MCTP2: variants seen among roughly 807,000 people sequenced by gnomAD.
MCTP2 encodes multiple C2 and transmembrane domain containing 2.
A neutral mutation model predicts 111.6 loss-of-function variants in MCTP2; 132 were observed. The ratio of observed to expected loss-of-function variants is 1.18; its 90% CI spans 1.03 to 1.37. The LOEUF (loss-of-function observed/expected upper bound fraction) is 1.37. MCTP2 is among the 40% of genes most tolerant of loss of function. The probability of loss-of-function intolerance (pLI) is 0.00; values close to 1 mark genes in which losing one functional copy is unlikely to be tolerated. For missense variants in MCTP2, 1,183 were observed against 1,067.9 expected (o/e 1.11, Z -1.50); for synonymous variants, 395 against 387.7 (o/e 1.02, Z -0.22).
chr15:94,339,669 G>C (rs533359588), intron 5 of MCTP2, among the ~76,000 whole-genome samples: 1 of 152,268 alleles, frequency 6.6e-6, no homozygotes, highest in East Asian at 1.9e-4. Context: ...TCTACCAAAT[G>C]TGGAAGAATT....
chr15:94,329,678 T>C (rs1338909641), intron 4 of MCTP2, among the ~76,000 whole-genome samples: 3 of 151,938 alleles, frequency 2.0e-5, no homozygotes, highest in Non-Finnish European at 4.4e-5. Flanking sequence ...GGGCCCCACC[T>C]CCAACATTAG....
chr15:94,267,691 C>G (rs544299843), intron 1 of MCTP2, among the ~76,000 whole-genome samples: 1 of 152,068 alleles, frequency 6.6e-6, no homozygotes, highest in South Asian at 2.1e-4. Context: ...AGTTTACATT[C>G]TTATAATCAA....
intron 17 of MCTP2, among the ~76,000 whole-genome samples, chr15:94,408,167 T>A (rs963869640): frequency 6.6e-6 from 1 of 152,200 alleles, no homozygotes; most frequent in Admixed American, 6.5e-5. Flanking sequence ...GGCTATGACA[T>A]CCACCAGAAG....
chr15:94,341,226 G>T, intron 7 of MCTP2: 1 of 325,418 alleles, frequency 3.1e-6, no homozygotes, highest in Non-Finnish European at 5.8e-6. Flanking sequence ...TTTCCATTGG[G>T]AGTTCTTTTG....
At chr15:94,299,028 TCCCTCC>T (rs1239902583) in intron 2 of MCTP2, among the ~76,000 whole-genome samples, 46 of 90,254 alleles carry the variant, frequency 5.1e-4, no homozygotes, top group Non-Finnish European at 8.4e-4. Flanking sequence ...CCTCCCTCTC[TCCCTCC>T]CCCTCCCCCT....
At chr15:94,404,515 T>A (rs984887008) in intron 17 of MCTP2, among the ~76,000 whole-genome samples, 2 of 152,108 alleles carry the variant, frequency 1.3e-5, no homozygotes, top group Non-Finnish European at 2.9e-5. Flanking sequence ...TTGGCCAGGC[T>A]GGTCTTGAAC....
intron 8 of MCTP2, among the ~76,000 whole-genome samples, chr15:94,352,015 C>G (rs549545382): frequency 1.3e-5 from 2 of 152,278 alleles, no homozygotes; most frequent in East Asian, 3.9e-4. Context: ...GCAGCCATGC[C>G]AAGGAAAAGG....
intron 8 of MCTP2, among the ~76,000 whole-genome samples, chr15:94,353,664 G>A (rs1325361467): frequency 6.6e-6 from 1 of 152,138 alleles, no homozygotes; most frequent in Non-Finnish European, 1.5e-5. Flanking sequence ...GAATATATCT[G>A]TCGGAACTTT....
At chr15:94,463,961 T>C (rs2085367417) in intron 20 of MCTP2, among the ~76,000 whole-genome samples, 1 of 151,978 alleles carries the variant, frequency 6.6e-6, no homozygotes, top group South Asian at 2.1e-4. Context: ...TATATCTGGC[T>C]GGATTTTATT....
intron 14 of MCTP2, among the ~76,000 whole-genome samples, chr15:94,392,951 C>G (rs1456947104): frequency 6.6e-6 from 1 of 152,032 alleles, no homozygotes; most frequent in East Asian, 1.9e-4. Context: ...TAATGAGCTT[C>G]TATGTTTATG....
intron 1 of MCTP2, among the ~76,000 whole-genome samples, chr15:94,287,285 A>G (rs996979932): frequency 1.3e-5 from 2 of 151,486 alleles, no homozygotes; most frequent in Non-Finnish European, 2.9e-5. Context: ...TATGTTTGTA[A>G]TTCTTTATAC....
chr15:94,286,055 G>A (rs1039615164), intron 1 of MCTP2, among the ~76,000 whole-genome samples: 3 of 152,164 alleles, frequency 2.0e-5, no homozygotes, highest in Admixed American at 2.0e-4. Context: ...GGTAGATAGG[G>A]AATCTGTGTT....
rs2075399573 is a variant in MCTP2, at chr15:94,298,778, C to CCG, written c.465+48_465+49insCG. ...TTTTTTTTTGTCTCTCTCTCTCTCT[C>CCG]TCTTTCCCTCTCTTTCTCCCTCTCT... On this transcript the variant is annotated intron_variant, in intron 2 of 22. Coordinates refer to ENST00000357742, the MANE Select transcript of MCTP2 (RefSeq NM_001385001.1). 2.5e-6 allele frequency: 3 copies of CCG among 1,203,680 alleles called. No individual in the cohort carries two copies. In the African/African-American group the frequency reaches 4.7e-5, roughly 19 times the overall value. The allele number at this position is 1,203,680 out of a possible 1,614,324, so 74.6% of individuals were successfully genotyped here.
intron 1 of MCTP2, among the ~76,000 whole-genome samples, chr15:94,271,221 C>G (rs531677061): frequency 6.6e-6 from 1 of 152,234 alleles, no homozygotes; most frequent in Non-Finnish European, 1.5e-5. Flanking sequence ...AGGAAACTCC[C>G]CATCTAAACA....
At chr15:94,361,088 T>TG (rs2078913555) in intron 10 of MCTP2, among the ~76,000 whole-genome samples, 2 of 97,864 alleles carry the variant, frequency 2.0e-5, no homozygotes, top group Non-Finnish European at 4.0e-5. Flanking sequence ...TTTCAAGTTT[T>TG]TTTTTTTTTT....
intron 12 of MCTP2, among the ~76,000 whole-genome samples, chr15:94,383,672 G>A (rs988493552): frequency 6.6e-6 from 1 of 152,172 alleles, no homozygotes; most frequent in African/African-American, 2.4e-5. Flanking sequence ...TCTACCATGA[G>A]AACAGTATGG....
intron 1 of MCTP2, among the ~76,000 whole-genome samples, chr15:94,280,801 T>C (rs1262647345): frequency 2.0e-5 from 3 of 152,200 alleles, no homozygotes; most frequent in Non-Finnish European, 4.4e-5. Context: ...TGGTTTTCAT[T>C]AGTTTCAAAG....
At position 94,440,247 on chromosome 15, in the gene MCTP2, C is replaced by T; in HGVS notation, c.2157C>T (p.Tyr719=). ...IPLALLLIFV[Y]NFIRPVKGKV... is the part of the protein sequence containing the mutation. ...TGGCATTGTTGCTGATCTTTGTCTA[C>T]AATTTCATCAGACCTGTGAAAGGCA... The change falls in exon 18 of 23, where the codon TAC becomes TAT. Residue 719 remains tyrosine, a synonymous_variant. Coordinates refer to ENST00000357742, the MANE Select transcript of MCTP2 (RefSeq NM_001385001.1). 1 of 1,614,070 alleles carries T rather than the reference C, an allele frequency of 6.2e-7. No individual in the cohort carries two copies. The highest frequency in any genetic ancestry group is 8.5e-7 in the Non-Finnish European group (1 of 1,179,974).
chr15:94,433,060 T>C (rs2083277886), intron 17 of MCTP2, among the ~76,000 whole-genome samples: 2 of 151,668 alleles, frequency 1.3e-5, no homozygotes, highest in African/African-American at 2.4e-5. Flanking sequence ...TCTCGTGTTA[T>C]ACTTAAAGAA....
Sources: gnomAD v4.1 joint callset for allele counts (sites outside exome capture counted in the v4.1 genomes callset) on GRCh38, gnomAD v4.1.1 for gene constraint, MANE v1.5 for transcripts, NCBI Gene and HGNC (gene_info 2026-07-23, HGNC 2026-07-21) for gene names.